The following GABRA3 variants were observed in gnomAD, a reference collection of about 807,000 sequenced individuals.
The protein encoded by GABRA3 is gamma-aminobutyric acid type A receptor subunit alpha3.
GABRA3 carries 10 observed loss-of-function variants against 30.1 expected under a neutral mutation model. The observed-to-expected ratio is 0.33, with a 90% CI of 0.20 to 0.56. The LOEUF (loss-of-function observed/expected upper bound fraction) is 0.56. Among genes scored for constraint, GABRA3 ranks in the 20% least tolerant of loss-of-function variants. GABRA3 has a pLI of 0.89. For missense variants in GABRA3, 233 were observed against 392.0 expected (o/e 0.59, Z 3.42); for synonymous variants, 151 against 146.8 (o/e 1.03, Z -0.21).
intron 1 of GABRA3, among the ~76,000 whole-genome samples, chrX:152,392,840 T>G (rs1235184496): frequency 8.9e-6 from 1 of 112,263 alleles, no homozygotes; most frequent in Non-Finnish European, 1.9e-5. Context: ...CACACAAACT[T>G]GTTTTCGGAG....
At chrX:152,199,292 G>C (rs1008796997) in intron 7 of GABRA3, among the ~76,000 whole-genome samples, 17 of 105,000 alleles carry the variant, frequency 1.6e-4, no homozygotes, top group Non-Finnish European at 2.0e-5. Context: ...CGTGAACCCA[G>C]GAGGCGGAGC....
At chrX:152,370,063 GGCTGTCAATATTATATAA>G (rs1239387307) in intron 1 of GABRA3, among the ~76,000 whole-genome samples, 56 of 111,441 alleles carry the variant, frequency 5.0e-4, no homozygotes, top group African/African-American at 1.8e-3. Flanking sequence ...ATCTTGTAAA[GGCTGTCAATATTATATAA>G]GATAACAAAC....
At chrX:152,290,780 C>T (rs1377191056) in intron 3 of GABRA3, among the ~76,000 whole-genome samples, 1 of 111,879 alleles carries the variant, frequency 8.9e-6, no homozygotes, top group African/African-American at 3.3e-5. Context: ...AATCCTTTCC[C>T]CATTTCTTGT....
chrX:152,241,779 C>T (rs372504790), intron 5 of GABRA3, among the ~76,000 whole-genome samples: 6 of 110,607 alleles, frequency 5.4e-5, no homozygotes, highest in African/African-American at 6.6e-5. Flanking sequence ...CAGGTGCGTC[C>T]GTCACCCCTT....
intron 3 of GABRA3, among the ~76,000 whole-genome samples, chrX:152,339,448 A>T (rs1437838285): frequency 9.0e-6 from 1 of 110,988 alleles, no homozygotes; most frequent in African/African-American, 3.3e-5. Context: ...CAAACTCCTG[A>T]CCTCAGATGA....
intron 2 of GABRA3, among the ~76,000 whole-genome samples, chrX:152,351,455 A>G (rs1361127630): frequency 8.9e-6 from 1 of 111,855 alleles, no homozygotes; most frequent in African/African-American, 3.2e-5. Flanking sequence ...AACCTCCACT[A>G]GCTTCAAACT....
At chrX:152,358,740 G>A (rs1356312989) in intron 2 of GABRA3, among the ~76,000 whole-genome samples, 1 of 110,565 alleles carries the variant, frequency 9.0e-6, no homozygotes, top group Non-Finnish European at 1.9e-5. Context: ...TTGGGTGGTG[G>A]CTTATACCTG....
chrX:152,370,114 T>C lies in GABRA3; in HGVS notation c.-26-5518A>G, dbSNP rs529382680. ...AACGTAAAATGCCTAGTTAAACACC[T>C]GCTACTGGGATAAGTCTTCTGATAA... On this transcript the variant is annotated intron_variant, in intron 1 of 9. Transcript: ENST00000370314. Among the ~76,000 whole-genome samples the C allele has an allele frequency of 5.3e-5, 6 of 112,348 alleles. No individual in the cohort carries two copies. The South Asian group carries it at 1.1e-3, about 21-fold the overall frequency.
chrX:152,245,613 TG>T, intron 5 of GABRA3, among the ~76,000 whole-genome samples: 1 of 112,259 alleles, frequency 8.9e-6, no homozygotes, highest in Admixed American at 9.4e-5. Context: ...TCCAGCCATC[TG>T]TAAAAACTTA....
intron 9 of GABRA3, among the ~76,000 whole-genome samples, chrX:152,177,020 T>C (rs1937083272): frequency 8.9e-6 from 1 of 111,946 alleles, no homozygotes; most frequent in Non-Finnish European, 1.9e-5. Flanking sequence ...TCCTGATGTA[T>C]GAGAATCCAA....
At chrX:152,279,111 T>G (rs1432692169) in intron 4 of GABRA3, among the ~76,000 whole-genome samples, 6 of 112,038 alleles carry the variant, frequency 5.4e-5, no homozygotes, top group Admixed American at 9.5e-5. Context: ...GCTCTTTAGT[T>G]TAATTAGATC....
intron 3 of GABRA3, among the ~76,000 whole-genome samples, chrX:152,294,382 T>A (rs1163996903): frequency 9.0e-6 from 1 of 111,255 alleles, no homozygotes; most frequent in Non-Finnish European, 1.9e-5. Context: ...AATTTGATCT[T>A]CAATCACCGA....
In GABRA3 at chrX:152,312,266, T is replaced by C. The variant is rs1000280877; in HGVS notation, c.263-27531A>G. On this transcript the variant is annotated intron_variant, in intron 3 of 9. Transcript: ENST00000370314. The stretch of plus-strand genomic sequence containing the variant: ...TAAGGCTACAATAACCAAAACAGTA[T>C]GGCACTAGAACAAAAACAGACACAT... Among the ~76,000 whole-genome samples the C allele has an allele frequency of 5.4e-5, 6 of 112,022 alleles. No individual in the cohort carries two copies. The Admixed American group carries it at 5.7e-4, about 11-fold the overall frequency.
At chrX:152,288,589 G>A (rs1939338877) in intron 3 of GABRA3, among the ~76,000 whole-genome samples, 1 of 111,930 alleles carries the variant, frequency 8.9e-6, no homozygotes, top group African/African-American at 3.2e-5. Context: ...AGATGTCTAA[G>A]GTCCTGGGTC....
intron 9 of GABRA3, among the ~76,000 whole-genome samples, chrX:152,178,041 C>A (rs903804466): frequency 1.8e-5 from 2 of 111,243 alleles, no homozygotes. Flanking sequence ...GTAAGGTAAA[C>A]AACAAAATAG....
At chrX:152,172,905 T>C (rs1350616237) in intron 9 of GABRA3, among the ~76,000 whole-genome samples, 2 of 109,533 alleles carry the variant, frequency 1.8e-5, no homozygotes, top group African/African-American at 3.3e-5. Context: ...AGGACTGAAT[T>C]ACACAATTCA....
intron 3 of GABRA3, among the ~76,000 whole-genome samples, chrX:152,305,254 G>A (rs1939703850): frequency 9.1e-6 from 1 of 110,180 alleles, no homozygotes; most frequent in African/African-American, 3.3e-5. Flanking sequence ...AATAGATACT[G>A]GGGATTCCAG....
chrX:152,297,731 A>T (rs1247578826), intron 3 of GABRA3, among the ~76,000 whole-genome samples: 7 of 112,395 alleles, frequency 6.2e-5, no homozygotes, highest in African/African-American at 2.3e-4. Context: ...CATTTCAAAA[A>T]ATATTCTATA....
At chrX:152,171,714 T>G (rs1027118245) in intron 9 of GABRA3, among the ~76,000 whole-genome samples, 4 of 111,882 alleles carry the variant, frequency 3.6e-5, no homozygotes, top group South Asian at 7.5e-4. Context: ...AGTCTTGACC[T>G]TTGCTGCATA....
Sources: gnomAD v4.1 joint callset for allele counts (sites outside exome capture counted in the v4.1 genomes callset) on GRCh38, gnomAD v4.1.1 for gene constraint, MANE v1.5 for transcripts, NCBI Gene and HGNC (gene_info 2026-07-23, HGNC 2026-07-21) for gene names.